Variants in ZNF410 observed in about 807,000 individuals in gnomAD.
ZNF410 encodes the protein another partner for ARF 1.
ZNF410 carries 18 observed loss-of-function variants against 54.8 expected under a neutral mutation model. The ratio of observed to expected loss-of-function variants is 0.33; its 90% CI spans 0.23 to 0.49. ZNF410 has a LOEUF of 0.49. Ranked by LOEUF, ZNF410 falls within the 20% of genes least tolerant of loss-of-function variation. The pLI, the probability that ZNF410 is intolerant of heterozygous loss-of-function variation, is 0.99. For missense variants in ZNF410, 405 were observed against 569.6 expected, an observed-to-expected ratio of 0.71 and a Z score of 2.94; for synonymous variants, 191 against 207.3, an observed-to-expected ratio of 0.92 and a Z score of 0.68.
In ZNF410 at chr14:73,932,252, C is replaced by T. The variant is rs1032643040; in HGVS notation, c.*711C>T. On this transcript the variant is annotated 3_prime_UTR_variant, in exon 12 of 12. Transcript: ENST00000555044. ...ACATGATGCAGAGATTCAGGTTTTCCTTTAAATAAACAAAACAGCCCAGTC... is the reference window on the plus strand; with the variant it reads ...ACATGATGCAGAGATTCAGGTTTTCTTTTAAATAAACAAAACAGCCCAGTC... 11 of 332,462 alleles carry T rather than the reference C, an allele frequency of 3.3e-5. No individual in the cohort carries two copies. The highest frequency in any genetic ancestry group is 2.0e-4 in the African/African-American group (9 of 46,016). 20.6% of individuals were successfully genotyped at this position (332,462 alleles called of 1,614,324 possible).
At chr14:73,893,575 T>C (rs2055264135) in intron 2 of ZNF410, 2 of 453,036 alleles carry the variant, frequency 4.4e-6, no homozygotes, top group Non-Finnish European at 3.8e-6. Context: ...ATATGTGGTC[T>C]GTTAACTGAA....
At chr14:73,923,048 AAGTGCTATT>A (rs1396273179) in intron 10 of ZNF410, among the ~76,000 whole-genome samples, 3 of 152,160 alleles carry the variant, frequency 2.0e-5, no homozygotes, top group Non-Finnish European at 4.4e-5. Context: ...TTCAGTTAGT[AAGTGCTATT>A]AGTATCATTG....
chr14:73,921,349 G>C, intron 9 of ZNF410: 1 of 392,198 alleles, frequency 2.5e-6, no homozygotes, highest in South Asian at 4.1e-5. Context: ...TGATAAATGA[G>C]ATAATTTGCA....
intron 7 of ZNF410, 76 bp downstream of exon 7, chr14:73,905,159 CAA>C (rs2055462092): frequency 8.2e-6 from 12 of 1,467,674 alleles, no homozygotes; most frequent in Non-Finnish European, 1.1e-5. Context: ...AGGAAAGACT[CAA>C]GTGGGAATAG....
At chr14:73,924,314 C>T (rs770918227) in intron 11 of ZNF410, among the ~76,000 whole-genome samples, 6 of 152,182 alleles carry the variant, frequency 3.9e-5, no homozygotes, top group Non-Finnish European at 7.3e-5. Context: ...AGAGGTGGAG[C>T]TCAGGTGGTA....
At chr14:73,931,390 A>T (rs1393705649) in intron 11 of ZNF410, 113 bp from the exon 12 acceptor site, 2 of 879,642 alleles carry the variant, frequency 2.3e-6, no homozygotes, top group African/African-American at 1.7e-5. Flanking sequence ...GATAGCCTTC[A>T]TTCACCCCTG....
chr14:73,920,806 C>A, intron 8 of ZNF410, 174 bp from the exon 9 acceptor site: 1 of 712,058 alleles, frequency 1.4e-6, no homozygotes, highest in Non-Finnish European at 2.3e-6. Context: ...TCCTGGTGTA[C>A]TCTTCCTGCC....
At chr14:73,897,813 A>G (rs934843128) in intron 4 of ZNF410, among the ~76,000 whole-genome samples, 2 of 152,032 alleles carry the variant, frequency 1.3e-5, no homozygotes, top group African/African-American at 4.8e-5. Flanking sequence ...CTCTACTAAA[A>G]ATACAAAAAT....
chr14:73,914,658 T>TC (rs1200099836), intron 8 of ZNF410: 2 of 135,432 alleles, frequency 1.5e-5, no homozygotes, highest in African/African-American at 5.6e-5. Context: ...AGACTGAGTC[T>TC]CCCACTGTCA....
At chr14:73,911,353 G>A (rs1298418666) in intron 8 of ZNF410, among the ~76,000 whole-genome samples, 1 of 152,178 alleles carries the variant, frequency 6.6e-6, no homozygotes, top group African/African-American at 2.4e-5. Flanking sequence ...AACATGACAA[G>A]TGGAGAGGAG....
intron 8 of ZNF410, among the ~76,000 whole-genome samples, chr14:73,912,358 C>T (rs1277340735): frequency 2.0e-5 from 3 of 151,684 alleles, no homozygotes; most frequent in Non-Finnish European, 2.9e-5. Context: ...TTACTAGAGA[C>T]GGTTTCACCA....
intron 8 of ZNF410, among the ~76,000 whole-genome samples, chr14:73,919,454 T>G (rs1403838093): frequency 6.6e-6 from 1 of 152,148 alleles, no homozygotes; most frequent in Non-Finnish European, 1.5e-5. Flanking sequence ...GTAGCCGCTT[T>G]TGGAATCCCC....
chr14:73,896,580 A>G (rs1346246851), intron 4 of ZNF410, 46 bp downstream of exon 4: 1 of 1,475,844 alleles, frequency 6.8e-7, no homozygotes, highest in South Asian at 1.2e-5. Context: ...TAAGAAAAAA[A>G]TTAGGGGTGG....
intron 2 of ZNF410, among the ~76,000 whole-genome samples, chr14:73,892,809 G>A (rs1280404895): frequency 3.3e-5 from 5 of 152,172 alleles, no homozygotes; most frequent in African/African-American, 1.2e-4. Context: ...GTTTGGGTGC[G>A]GTGGCTCACG....
chr14:73,908,303 T>C (rs1428427717), intron 7 of ZNF410, among the ~76,000 whole-genome samples: 1 of 152,240 alleles, frequency 6.6e-6, no homozygotes, highest in Non-Finnish European at 1.5e-5. Flanking sequence ...GTAGAATCTT[T>C]TTCTAAATCC....
chr14:73,893,431 T>C (rs1395949396), intron 2 of ZNF410: 1 of 171,036 alleles, frequency 5.8e-6, no homozygotes, highest in African/African-American at 2.4e-5. Flanking sequence ...GCTGCAAACC[T>C]ATACAGCATG....
At chr14:73,894,285 AATC>A in intron 3 of ZNF410, 1 of 696,090 alleles carries the variant, frequency 1.4e-6, no homozygotes, top group Non-Finnish European at 2.6e-6. Context: ...ACCCAGGAGA[AATC>A]ATTGTATCAA....
chr14:73,920,830 T>G (rs2055744757), intron 8 of ZNF410, 150 bp from the exon 9 acceptor site: 1 of 944,432 alleles, frequency 1.1e-6, no homozygotes, highest in South Asian at 1.6e-5. Flanking sequence ...CCCCATATAC[T>G]GAAGTTTGAG....
At chr14:73,892,727 A>G (rs561559970) in intron 2 of ZNF410, among the ~76,000 whole-genome samples, 8 of 152,274 alleles carry the variant, frequency 5.3e-5, no homozygotes, top group African/African-American at 1.9e-4. Context: ...ATTGCTCCTA[A>G]CTAGTCTTGT....
Sources: allele counts gnomAD v4.1 joint callset (sites outside exome capture counted in the v4.1 genomes callset), GRCh38; gene constraint gnomAD v4.1.1; transcripts MANE v1.5; gene names NCBI Gene and HGNC (gene_info 2026-07-23, HGNC 2026-07-21).